Variants in ENG observed in about 807,000 individuals in gnomAD.
ENG encodes the protein CD105 antigen.
In ENG, 17 loss-of-function variants were observed where a neutral mutation model predicts 71.0. The ratio of observed to expected loss-of-function variants is 0.24; its 90% CI spans 0.16 to 0.36. The LOEUF (loss-of-function observed/expected upper bound fraction) is 0.36, where lower values mean the gene tolerates loss of function less well. ENG is among the 10% of genes least tolerant of loss of function. ENG has a pLI of 1.00. For missense variants in ENG, 749 were observed against 868.3 expected (o/e 0.86, Z 1.73); for synonymous variants, 360 against 366.9 (o/e 0.98, Z 0.21).
intron 8 of ENG, among the ~76,000 whole-genome samples, chr9:127,822,701 A>T (rs1188391924): frequency 9.9e-5 from 15 of 152,248 alleles, no homozygotes; most frequent in Non-Finnish European, 2.1e-4. Context: ...AGACAAATGA[A>T]CACATCTCTT....
In ENG at chr9:127,832,069, C is replaced by CTTTTTTTTT. The variant is rs1041729379; in HGVS notation, c.220-2251_220-2243dup. On this transcript the variant is annotated intron_variant, in intron 2 of 14. Coordinates refer to ENST00000373203, the MANE Select transcript of ENG (RefSeq NM_001114753.3). ...GGAATTACAGACATGAGCTACCATT[C>CTTTTTTTTT]TTTTTTTTTTTTTTTTTTTTTTTTG... Among the ~76,000 whole-genome samples the CTTTTTTTTT allele has an allele frequency of 4.1e-4, 34 of 83,618 alleles. 2 individuals are homozygous for CTTTTTTTTT. The highest frequency in any genetic ancestry group is 5.1e-4 in the Non-Finnish European group (23 of 44,764). 54.9% of individuals were successfully genotyped at this position (83,618 alleles called of 152,430 possible).
At chr9:127,824,193 A>C in intron 8 of ENG, 111 bp downstream of exon 8, 1 of 1,491,454 alleles carries the variant, frequency 6.7e-7, no homozygotes, top group Admixed American at 1.7e-5. Context: ...TAAGGCTTGC[A>C]GAGGGACGTG....
At chr9:127,816,944 C>T (rs1324695740) in intron 13 of ENG, 1 of 643,678 alleles carries the variant, frequency 1.6e-6, no homozygotes. Flanking sequence ...CGGGCAAGGG[C>T]TCTCCATCTG....
At chr9:127,816,555 G>A (rs1166013424) in intron 13 of ENG, 1 of 249,692 alleles carries the variant, frequency 4.0e-6, no homozygotes, top group African/African-American at 2.2e-5. Context: ...CTTTCCTTGA[G>A]CCTCTGACAT....
chr9:127,817,002 GCC>G, intron 13 of ENG, 145 bp downstream of exon 13: 1 of 873,976 alleles, frequency 1.1e-6, no homozygotes, highest in East Asian at 2.6e-5. Flanking sequence ...GCTCTGGGAA[GCC>G]CTCCTCCTGC....
chr9:127,819,671 A>AT lies in ENG; in HGVS notation c.1273-12_1273-11insA. 6.2e-7 allele frequency: 1 copy of AT among 1,606,518 alleles called. No individual in the cohort carries two copies. The highest frequency in any genetic ancestry group is 8.5e-7 in the Non-Finnish European group (1 of 1,176,382). ...GATATTGACCACCGCCTGCGGGGAT[A>AT]AAGCCAGGGAGCTGGTCAGAGCCAG... is the stretch of plus-strand genomic sequence containing the variant. On this transcript the variant is annotated splice_polypyrimidine_tract_variant and intron_variant, in intron 9 of 14. Transcript: ENST00000373203.
intron 3 of ENG, 138 bp from the exon 4 acceptor site, chr9:127,826,810 T>G (rs1040182470): frequency 5.9e-6 from 7 of 1,191,158 alleles, no homozygotes; most frequent in Non-Finnish European, 7.1e-6. Context: ...TGCTGGCTGG[T>G]GGATCTGCAG....
intron 8 of ENG, chr9:127,822,401 T>G (rs1830489441): frequency 6.6e-6 from 1 of 152,260 alleles, no homozygotes; most frequent in Non-Finnish European, 1.5e-5. Flanking sequence ...AAATCATCTT[T>G]GGGAAAGTGG....
In ENG at chr9:127,838,935, G is replaced by A. The variant is rs1830966059; in HGVS notation, c.219+4159C>T. On this transcript the variant is annotated intron_variant, in intron 2 of 14. Transcript: ENST00000373203. The surrounding 1 kb of genome is among the most constrained non-coding windows in gnomAD (Gnocchi z 4.3). ...AGGAAATCTGAGGATTCTGAGGGAT[G>A]GACGGGAAAGCCACTTCTCTGTGCC... is the stretch of plus-strand genomic sequence containing the variant. Among the ~76,000 whole-genome samples the A allele has an allele frequency of 6.6e-6, 1 of 152,180 alleles. No individual in the cohort carries two copies. Among genetic ancestry groups the A allele is most frequent in the African/African-American group, 2.4e-5 (1 of 41,432 alleles).
chr9:127,832,563 C>T (rs1323905068), intron 2 of ENG: 1 of 151,214 alleles, frequency 6.6e-6, no homozygotes, highest in East Asian at 1.9e-4. Context: ...CCTGCCCAGG[C>T]TGGAGTGCGA....
chr9:127,848,286 G>GC (rs1831218483), intron 1 of ENG, among the ~76,000 whole-genome samples: 1 of 149,952 alleles, frequency 6.7e-6, no homozygotes, highest in South Asian at 2.4e-4. Context: ...TGACCACCTG[G>GC]CCTTTTTTTT....
chr9:127,815,676 C>G lies in ENG; in HGVS notation c.*6G>C, dbSNP rs769811337. The G allele has an allele frequency of 5.1e-6, 8 of 1,556,400 alleles. No individual in the cohort carries two copies. In the African/African-American group the frequency reaches 5.4e-5, roughly 11 times the overall value. On this transcript the variant is annotated 3_prime_UTR_variant, in exon 15 of 15. Transcript: ENST00000373203. Reference sequence around the variant, plus strand: ...TCTCCTGCTGGGCGAGCGCGGGGGGCCGGGGCTATGCCATGCTGCTGGTGG... The same window carrying G: ...TCTCCTGCTGGGCGAGCGCGGGGGGGCGGGGCTATGCCATGCTGCTGGTGG...
chr9:127,820,127 G>A lies in ENG; in HGVS notation c.1135-90C>T, dbSNP rs533251082. 1.0e-4 allele frequency: 152 copies of A among 1,523,636 alleles called. 2 individuals are homozygous for A. In the East Asian group the frequency reaches 3.5e-3, roughly 36 times the overall value. 94.4% of individuals were successfully genotyped at this position (1,523,636 alleles called of 1,614,324 possible). ...CACCAAGGACTGACCACAACCCAGG[G>A]GTCCCAAGTCACAGCCATTCCCCTG... On this transcript the variant is annotated intron_variant, in intron 8 of 14. Transcript: ENST00000373203.
chr9:127,822,985 C>G (rs566038420), intron 8 of ENG, among the ~76,000 whole-genome samples: 1 of 151,804 alleles, frequency 6.6e-6, no homozygotes, highest in Non-Finnish European at 1.5e-5. Context: ...GGACTACAGG[C>G]GTGCACCACC....
rs755202701 is a variant in ENG, at chr9:127,836,441, G to A, written c.220-6614C>T. 2.0e-5 allele frequency among the ~76,000 whole-genome samples: 3 copies of A among 152,234 alleles called. No individual in the cohort carries two copies. Among genetic ancestry groups the A allele is most frequent in the African/African-American group, 7.2e-5 (3 of 41,468 alleles). On this transcript the variant is annotated intron_variant, in intron 2 of 14. Coordinates refer to ENST00000373203, the MANE Select transcript of ENG (RefSeq NM_001114753.3). The surrounding 1 kb of genome is among the most constrained non-coding windows in gnomAD (Gnocchi z 4.0). ...TGCTAGTAGCCACTTATAGAAAGTC[G>A]CTTCCAGCAATTCTTCTAGGAGTGG...
Position 127,818,299 on chromosome 9 carries a change from T to C in ENG, c.1507A>G (p.Thr503Ala), listed in dbSNP as rs746937879. 4 of 1,614,038 alleles carry C rather than the reference T, an allele frequency of 2.5e-6. No individual in the cohort carries two copies. The highest frequency in any genetic ancestry group is 3.4e-6 in the Non-Finnish European group (4 of 1,180,006). The change falls in exon 12 of 15, where the codon ACC becomes GCC. Residue 503 changes from threonine to alanine, a missense_variant. Physicochemically the swap from Thr to Ala is moderately conservative, Grantham distance 58. Coordinates refer to ENST00000373203, the MANE Select transcript of ENG (RefSeq NM_001114753.3). ...GCCCGGCCCTGGATGAGTTCCACGG[T>C]GCCTCCCTCAGGCCCCAAGTCCAGG... The part of the protein sequence containing the change: ...CHLDLGPEGG[T>A]VELIQGRAAK...
At chr9:127,825,538 G>GA (rs1830589924) in intron 5 of ENG, among the ~76,000 whole-genome samples, 157 bp downstream of exon 5, 1 of 151,002 alleles carries the variant, frequency 6.6e-6, no homozygotes, top group Non-Finnish European at 1.5e-5. Context: ...GCGTAGCCTA[G>GA]AGTAGGAGAA....
chr9:127,833,095 C>G (rs1039988232), intron 2 of ENG, among the ~76,000 whole-genome samples: 4 of 152,220 alleles, frequency 2.6e-5, no homozygotes, highest in African/African-American at 7.2e-5. Flanking sequence ...GTAGCACATC[C>G]TTCCCTAGCA....
intron 2 of ENG, among the ~76,000 whole-genome samples, chr9:127,832,905 T>C (rs535704242): frequency 1.2e-4 from 18 of 152,170 alleles, no homozygotes; most frequent in South Asian, 1.0e-3. Context: ...TACAGGTGCA[T>C]GCCACCATGC....
Sources: allele counts gnomAD v4.1 joint callset (sites outside exome capture counted in the v4.1 genomes callset), GRCh38; gene constraint gnomAD v4.1.1; non-coding constraint Gnocchi (gnomAD v3.1); transcripts MANE v1.5; gene names NCBI Gene and HGNC (gene_info 2026-07-23, HGNC 2026-07-21).